MMP26: variants seen among roughly 807,000 people sequenced by gnomAD.
MMP26 encodes the protein matrix metallopeptidase 26, also known as matrix metalloproteinase-26.
MMP26 carries 33 observed loss-of-function variants against 31.0 expected under a neutral mutation model. That is an observed-to-expected ratio of 1.06 (90% CI 0.81 to 1.42). MMP26 has a LOEUF of 1.42. MMP26 is among the 40% of genes most tolerant of loss of function. The pLI, the probability that MMP26 is intolerant of heterozygous loss-of-function variation, is 0.00. For synonymous variants in MMP26, 122 were observed against 114.9 expected, an observed-to-expected ratio of 1.06 and a Z score of -0.40; for missense variants, 347 against 316.1, an observed-to-expected ratio of 1.10 and a Z score of -0.74.
At chr11:4,723,297 C>T (rs545979183) in intron 1 of MMP26, 12 of 1,011,720 alleles carry the variant, frequency 1.2e-5, no homozygotes, top group Non-Finnish European at 1.6e-5. Flanking sequence ...GGTCATCCTC[C>T]TGCTTCCCAG....
rs574393087 is a variant in MMP26 at position 4,949,941 on chromosome 11, C to T, written c.-144-38127C>T. Among the ~76,000 whole-genome samples, 901 of 122,316 alleles carry T rather than the reference C, an allele frequency of 7.4e-3. 182 individuals are homozygous for T. The highest frequency in any genetic ancestry group is 0.024 in the African/African-American group (863 of 36,426). The allele number at this position is 122,316 out of a possible 152,430, so 80.2% of individuals were successfully genotyped here. A position where few individuals can be genotyped will look rare whatever the true frequency, so the allele number is the denominator to read the frequency against. On this transcript the variant is annotated intron_variant, in intron 2 of 7. Coordinates refer to ENST00000380390, the MANE Select transcript of MMP26 (RefSeq NM_021801.5). ...CCATTTGAACTAATGGCACTTATTC[C>T]GGAGTCATGAAAATTTTACATTTCA...
intron 2 of MMP26, among the ~76,000 whole-genome samples, chr11:4,817,193 T>C (rs534368633): frequency 2.6e-5 from 4 of 152,248 alleles, no homozygotes; most frequent in African/African-American, 9.6e-5. Context: ...GAAAGTATTA[T>C]ACTATGGGGA....
Position 4,891,239 on chromosome 11 carries a change from G to T in MMP26, c.-144-96829G>T, listed in dbSNP as rs1045767338. On this transcript the variant is annotated intron_variant, in intron 2 of 7. Coordinates refer to ENST00000380390, the MANE Select transcript of MMP26 (RefSeq NM_021801.5). Reference sequence around the variant, plus strand: ...GATCGTGGTTCTGCAGGCTCTTCTAGCATGGCACTGCCATCTGGTTGGGCT... The same window carrying T: ...GATCGTGGTTCTGCAGGCTCTTCTATCATGGCACTGCCATCTGGTTGGGCT... 1.3e-4 allele frequency among the ~76,000 whole-genome samples: 20 copies of T among 152,214 alleles called. No individual in the cohort carries two copies. In the East Asian group the frequency reaches 3.9e-3, roughly 30 times the overall value.
chr11:4,846,055 A>G (rs1390447078), intron 2 of MMP26, among the ~76,000 whole-genome samples: 3 of 152,210 alleles, frequency 2.0e-5, no homozygotes, highest in Admixed American at 1.3e-4. Context: ...CTGCTGTTAT[A>G]TACCCAAAAG....
chr11:4,929,795 T>C (rs540363019), intron 2 of MMP26, among the ~76,000 whole-genome samples: 1 of 152,080 alleles, frequency 6.6e-6, no homozygotes, highest in Non-Finnish European at 1.5e-5. Flanking sequence ...AGTATAGTTT[T>C]TGAGCATTTT....
intron 2 of MMP26, chr11:4,822,196 A>G: frequency 6.2e-7 from 1 of 1,600,628 alleles, no homozygotes; most frequent in Non-Finnish European, 8.5e-7. Context: ...CCCTCTCATC[A>G]GTTTGTCTCT....
chr11:4,973,202 C>A, intron 2 of MMP26: 1 of 172,954 alleles, frequency 5.8e-6, no homozygotes. Context: ...TGATGCTATG[C>A]TCAACACTGC....
chr11:4,850,996 T>C (rs1292293125), intron 2 of MMP26, among the ~76,000 whole-genome samples: 1 of 151,952 alleles, frequency 6.6e-6, no homozygotes, highest in Non-Finnish European at 1.5e-5. Flanking sequence ...TAAAAAGCAA[T>C]AAATAGAAAC....
At position 4,916,270 on chromosome 11, in the gene MMP26, T is replaced by G. The variant is rs1851089793; in HGVS notation, c.-144-71798T>G. On this transcript the variant is annotated intron_variant, in intron 2 of 7. Coordinates refer to ENST00000380390, the MANE Select transcript of MMP26 (RefSeq NM_021801.5). ...CCACAGCTGTTGTTGGGGACTTTTC[T>G]CTTATAGCAGCATACTCCTTGTGTT... is the stretch of plus-strand genomic sequence containing the variant. 2.0e-5 allele frequency among the ~76,000 whole-genome samples: 3 copies of G among 152,170 alleles called. No individual in the cohort carries two copies. The South Asian group carries it at 6.2e-4, about 32-fold the overall frequency.
chr11:4,884,449 G>GA (rs368065989), intron 2 of MMP26, among the ~76,000 whole-genome samples: 357 of 151,894 alleles, frequency 2.4e-3, no homozygotes, highest in African/African-American at 8.0e-3. Flanking sequence ...TCATCAAAAG[G>GA]AAAAAAATAC....
In MMP26 at chr11:4,708,172, G is replaced by T. The variant is rs182097973; in HGVS notation, c.-217+3127G>T. Among the ~76,000 whole-genome samples, 566 of 152,298 alleles carry T rather than the reference G, an allele frequency of 3.7e-3. 2 individuals carry two copies. The highest frequency in any genetic ancestry group is 4.4e-3 in the Non-Finnish European group (302 of 68,016). ...CGTATGTAAAGTCACAGGTGAAAAAGTGAAGCTTATCTTCCAACTGAGATC... is the reference window on the plus strand; with the variant it reads ...CGTATGTAAAGTCACAGGTGAAAAATTGAAGCTTATCTTCCAACTGAGATC... On this transcript the variant is annotated intron_variant, in intron 1 of 7. Transcript: ENST00000380390.
chr11:4,760,285 T>A (rs191247007), intron 1 of MMP26, among the ~76,000 whole-genome samples: 38 of 152,312 alleles, frequency 2.5e-4, no homozygotes, highest in African/African-American at 6.5e-4. Flanking sequence ...TTAATTAATT[T>A]ATTTACCTCT....
At chr11:4,901,552 C>G (rs2133559241) in intron 2 of MMP26, among the ~76,000 whole-genome samples, 1 of 151,888 alleles carries the variant, frequency 6.6e-6, no homozygotes, top group South Asian at 2.1e-4. Flanking sequence ...AATTAGCACT[C>G]AAAGTGTGGC....
chr11:4,920,075 A>G (rs1414846938), intron 2 of MMP26, among the ~76,000 whole-genome samples: 3 of 152,152 alleles, frequency 2.0e-5, no homozygotes, highest in Non-Finnish European at 4.4e-5. Context: ...GCCCCTGGGA[A>G]AGCTGATGAA....
At chr11:4,876,865 T>C (rs1406255523) in intron 2 of MMP26, 1 of 154,084 alleles carries the variant, frequency 6.5e-6, no homozygotes, top group Non-Finnish European at 1.5e-5. Flanking sequence ...CTTATCCAGA[T>C]GTTCTTCATC....
chr11:4,977,774 A>G (rs1210761816), intron 2 of MMP26, among the ~76,000 whole-genome samples: 27 of 152,098 alleles, frequency 1.8e-4, no homozygotes, highest in Admixed American at 1.3e-4. Context: ...TGAGGCTCCA[A>G]CTGTTATATA....
At chr11:4,786,052 A>T (rs1564909223) in intron 2 of MMP26, among the ~76,000 whole-genome samples, 3 of 152,094 alleles carry the variant, frequency 2.0e-5, no homozygotes, top group Non-Finnish European at 4.4e-5. Context: ...GACCTGGGGA[A>T]ACTGAACAAG....
At chr11:4,881,108 C>T (rs962486616) in intron 2 of MMP26, among the ~76,000 whole-genome samples, 17 of 152,080 alleles carry the variant, frequency 1.1e-4, no homozygotes, top group African/African-American at 4.1e-4. Flanking sequence ...GTTGAGAAAA[C>T]CTTGATAAAT....
intron 1 of MMP26, among the ~76,000 whole-genome samples, chr11:4,716,046 A>C (rs1847926034): frequency 1.3e-5 from 2 of 152,332 alleles, no homozygotes; most frequent in Admixed American, 1.3e-4. Flanking sequence ...TGTGAGAAGA[A>C]CACATGACTG....
Sources: gnomAD v4.1 joint callset for allele counts (sites outside exome capture counted in the v4.1 genomes callset) on GRCh38, gnomAD v4.1.1 for gene constraint, MANE v1.5 for transcripts, NCBI Gene and HGNC (gene_info 2026-07-23, HGNC 2026-07-21) for gene names.